The following FOCAD variants were observed in gnomAD, a reference collection of about 807,000 sequenced individuals.
The protein encoded by FOCAD is KIAA1797.
In FOCAD, 198 loss-of-function variants were observed where a neutral mutation model predicts 225.6. That is an observed-to-expected ratio of 0.88 (90% CI 0.78 to 0.99). The LOEUF is 0.99. FOCAD is among the 50% of genes least tolerant of loss of function. FOCAD has a pLI of 0.00. For synonymous variants in FOCAD, 897 were observed against 755.0 expected (o/e 1.19, Z -3.08); for missense variants, 2,713 against 2,123.6 (o/e 1.28, Z -5.46).
rs771811094 is a variant in FOCAD at position 20,944,793 on chromosome 9, AT to A, written c.3555+26del. On this transcript the variant is annotated intron_variant, in intron 29 of 43. Transcript: ENST00000338382. The stretch of plus-strand genomic sequence containing the variant: ...TCAGGAGGTAAGAGATGGAGGCTAC[AT>A]TTTTTTCCCCTCTGCTCTCTTTTGT... The A allele has an allele frequency of 5.6e-6, 9 of 1,598,712 alleles. No homozygotes were observed. The highest frequency in any genetic ancestry group is 2.3e-5 in the East Asian group (1 of 44,380).
chr9:20,874,459 C>T, intron 18 of FOCAD: 1 of 446,932 alleles, frequency 2.2e-6, no homozygotes, highest in Non-Finnish European at 3.9e-6. Flanking sequence ...GCTTTTTATA[C>T]AGATCTGAGA....
intron 1 of FOCAD, among the ~76,000 whole-genome samples, chr9:20,712,476 A>G (rs899203342): frequency 3.3e-5 from 5 of 151,880 alleles, no homozygotes; most frequent in African/African-American, 1.2e-4. Flanking sequence ...CCTGGCCAAC[A>G]TGGTGAAACC....
At chr9:20,931,004 C>T (rs956981540) in intron 27 of FOCAD, among the ~76,000 whole-genome samples, 1 of 152,156 alleles carries the variant, frequency 6.6e-6, no homozygotes, top group African/African-American at 2.4e-5. Flanking sequence ...TGTTTTGCAA[C>T]TAAAAATGAG....
upstream of FOCAD, among the ~76,000 whole-genome samples, chr9:20,679,583 TTTG>T (rs779997093): frequency 4.6e-5 from 7 of 152,168 alleles, no homozygotes; most frequent in Admixed American, 1.3e-4. Flanking sequence ...TCTCTTTTTT[TTTG>T]TTGTTGTTAA....
intron 15 of FOCAD, among the ~76,000 whole-genome samples, chr9:20,840,363 A>G (rs1010107994): frequency 6.6e-6 from 1 of 151,746 alleles, no homozygotes; most frequent in African/African-American, 2.4e-5. Context: ...TATAGCATTC[A>G]TTGTAGATCT....
At chr9:20,845,041 T>C (rs1472872615) in intron 15 of FOCAD, among the ~76,000 whole-genome samples, 1 of 152,116 alleles carries the variant, frequency 6.6e-6, no homozygotes, top group Non-Finnish European at 1.5e-5. Context: ...GTCCTAGTCC[T>C]TAATAGAGGG....
At chr9:20,730,046 T>C (rs963751461) in intron 4 of FOCAD, among the ~76,000 whole-genome samples, 1 of 152,190 alleles carries the variant, frequency 6.6e-6, no homozygotes, top group African/African-American at 2.4e-5. Context: ...TTCTTGAATA[T>C]AAACTGTGTG....
At chr9:20,864,969 G>A (rs1829097147) in intron 16 of FOCAD, among the ~76,000 whole-genome samples, 1 of 152,052 alleles carries the variant, frequency 6.6e-6, no homozygotes, top group African/African-American at 2.4e-5. Flanking sequence ...TATCTGCTAT[G>A]TTCTAGGCAA....
intron 35 of FOCAD, among the ~76,000 whole-genome samples, chr9:20,964,967 G>A (rs1475005431): frequency 6.6e-6 from 1 of 152,130 alleles, no homozygotes; most frequent in African/African-American, 2.4e-5. Context: ...TTGAGAAGGT[G>A]CTGATGGGAA....
intron 4 of FOCAD, among the ~76,000 whole-genome samples, chr9:20,729,551 G>A (rs553124777): frequency 1.8e-4 from 27 of 152,084 alleles, no homozygotes; most frequent in Non-Finnish European, 3.4e-4. Context: ...TGTATCTTTT[G>A]GGGGGACACA....
intron 20 of FOCAD, among the ~76,000 whole-genome samples, chr9:20,884,126 A>G (rs1342146083): frequency 6.6e-6 from 1 of 152,186 alleles, no homozygotes; most frequent in Non-Finnish European, 1.5e-5. Flanking sequence ...TTTAATTGAA[A>G]TTTTTAAAAA....
intron 15 of FOCAD, among the ~76,000 whole-genome samples, chr9:20,825,877 G>A (rs1023184842): frequency 6.6e-6 from 1 of 152,048 alleles, no homozygotes; most frequent in Admixed American, 6.6e-5. Context: ...TTCAATATGG[G>A]TTTCTTTAGT....
intron 11 of FOCAD, among the ~76,000 whole-genome samples, chr9:20,802,732 C>A (rs1446124150): frequency 1.3e-5 from 2 of 152,042 alleles, no homozygotes; most frequent in Non-Finnish European, 1.5e-5. Context: ...TAAATGAAAT[C>A]CTATTAATTT....
intron 1 of FOCAD, among the ~76,000 whole-genome samples, chr9:20,691,781 A>G (rs1385595748): frequency 7.7e-6 from 1 of 130,606 alleles, no homozygotes; most frequent in Admixed American, 7.9e-5. Flanking sequence ...AGCCCGGCCA[A>G]TTTATTTTTT....
intron 1 of FOCAD, among the ~76,000 whole-genome samples, chr9:20,687,149 C>T (rs1239143993): frequency 6.6e-6 from 1 of 152,146 alleles, no homozygotes; most frequent in Non-Finnish European, 1.5e-5. Context: ...ACTTTAAATA[C>T]TGTATAGCTT....
At chr9:20,723,211 G>C (rs889840539) in intron 4 of FOCAD, among the ~76,000 whole-genome samples, 1 of 152,190 alleles carries the variant, frequency 6.6e-6, no homozygotes, top group African/African-American at 2.4e-5. Flanking sequence ...TTTTGGGTGA[G>C]GTGCGGTGAC....
At chr9:20,950,881 C>G (rs559796236) in intron 33 of FOCAD, 115 bp from the exon 34 acceptor site, 16 of 800,236 alleles carry the variant, frequency 2.0e-5, no homozygotes, top group Middle Eastern at 6.3e-4. Context: ...TAGGACTGCT[C>G]GTTGCCAGCC....
chr9:20,948,853 C>G lies in FOCAD; in HGVS notation c.3801C>G (p.Gly1267=). ...ATATTCTGATGCTTTGTTTTCAGGG[C>G]ACTCCCACAATGCTTTGTCTGGCAG... ...PAWIRIVLTE[G]TPTMLCLAAL... The change falls in exon 32 of 44, where the codon GGC becomes GGG. Residue 1267 remains glycine (G), a splice_region_variant and synonymous_variant. Transcript: ENST00000338382. 6.2e-7 allele frequency: 1 copy of G among 1,613,414 alleles called. No homozygotes were observed. The highest frequency in any genetic ancestry group is 8.5e-7 in the Non-Finnish European group (1 of 1,179,482).
intron 23 of FOCAD, among the ~76,000 whole-genome samples, chr9:20,916,670 C>G (rs1458350044): frequency 6.6e-6 from 1 of 152,178 alleles, no homozygotes; most frequent in African/African-American, 2.4e-5. Flanking sequence ...GTTACATATT[C>G]ACCTCCTCCT....
Sources: allele counts gnomAD v4.1 joint callset (sites outside exome capture counted in the v4.1 genomes callset), GRCh38; gene constraint gnomAD v4.1.1; transcripts MANE v1.5; gene names NCBI Gene and HGNC (gene_info 2026-07-23, HGNC 2026-07-21).